ARHGAP12: variants seen among roughly 807,000 people sequenced by gnomAD.
ARHGAP12 encodes rho GTPase-activating protein 12.
Under a neutral mutation model 108.6 loss-of-function variants are expected in ARHGAP12, and 64 were observed. That is an observed-to-expected ratio of 0.59 (90% CI 0.48 to 0.73). ARHGAP12 has a LOEUF of 0.73. Among genes scored for constraint, ARHGAP12 ranks in the 30% least tolerant of loss-of-function variants. The pLI is 0.00. For missense variants in ARHGAP12, 940 were observed against 1,005.9 expected (o/e 0.93, Z 0.89); for synonymous variants, 312 against 337.2 (o/e 0.93, Z 0.82).
chr10:31,918,360 C>CA lies in ARHGAP12; in HGVS notation c.-110-7798_-110-7797insT, dbSNP rs1554791864. Among the ~76,000 whole-genome samples, 32 of 138,282 alleles carry CA rather than the reference C, an allele frequency of 2.3e-4. No homozygotes were observed. The South Asian group carries it at 5.5e-3, about 24-fold the overall frequency. 90.7% of individuals were successfully genotyped at this position (138,282 alleles called of 152,430 possible). Reference sequence around the variant, plus strand: ...ACACACACACACACACACACACACACCAATGAGATACCACTTCACACCCAA... The same window carrying CA: ...ACACACACACACACACACACACACACACAATGAGATACCACTTCACACCCAA... On this transcript the variant is annotated intron_variant, in intron 1 of 19. Coordinates refer to ENST00000344936, the MANE Select transcript of ARHGAP12 (RefSeq NM_018287.7).
Position 31,843,681 on chromosome 10 carries a change from T to G in ARHGAP12, c.1171-95A>C, listed in dbSNP as rs935354868. 4 of 1,378,698 alleles carry G rather than the reference T, an allele frequency of 2.9e-6. No individual in the cohort carries two copies. In the African/African-American group the frequency reaches 5.9e-5, roughly 20 times the overall value. 85.4% of individuals were successfully genotyped at this position (1,378,698 alleles called of 1,614,324 possible). On this transcript the variant is annotated intron_variant, in intron 6 of 19. Coordinates refer to ENST00000344936, the MANE Select transcript of ARHGAP12 (RefSeq NM_018287.7). ...CATCTTGGCTCCAAATGACAAAGACTGTTAGGCGAAGTTCATTATATGACA... is the reference window on the plus strand; with the variant it reads ...CATCTTGGCTCCAAATGACAAAGACGGTTAGGCGAAGTTCATTATATGACA...
chr10:31,890,926 G>A (rs1838399937), intron 3 of ARHGAP12, among the ~76,000 whole-genome samples: 1 of 152,070 alleles, frequency 6.6e-6, no homozygotes, highest in South Asian at 2.1e-4. Flanking sequence ...TAGTGAAACT[G>A]CACATACAGC....
chr10:31,814,813 C>A (rs894306717), intron 13 of ARHGAP12, among the ~76,000 whole-genome samples: 1 of 152,046 alleles, frequency 6.6e-6, no homozygotes, highest in South Asian at 2.1e-4. Flanking sequence ...CGGTTGTCAA[C>A]GGAAAGAAAT....
rs201754040 is a variant in ARHGAP12, at chr10:31,816,168, C to CGTGTGTGTGTGTGT, written c.1731+1606_1731+1619dup. 9.0e-3 allele frequency among the ~76,000 whole-genome samples: 1,222 copies of CGTGTGTGTGTGTGT among 136,408 alleles called. 9 individuals are homozygous for CGTGTGTGTGTGTGT. Among genetic ancestry groups the CGTGTGTGTGTGTGT allele is most frequent in the East Asian group, 0.014 (59 of 4,338 alleles). 89.5% of individuals were successfully genotyped at this position (136,408 alleles called of 152,430 possible). On this transcript the variant is annotated intron_variant, in intron 13 of 19. Transcript: ENST00000344936. Reference sequence around the variant, plus strand: ...TGTCTCAAAAAAAGAAAGAAAGAAACGTGTGTGTGTGTGTGTGTGTGTGTG... The same window carrying CGTGTGTGTGTGTGT: ...TGTCTCAAAAAAAGAAAGAAAGAAACGTGTGTGTGTGTGTGTGTGTGTGTGTGTGTGTGTGTGTG...
intron 13 of ARHGAP12, among the ~76,000 whole-genome samples, chr10:31,815,392 G>A (rs1380584798): frequency 2.0e-5 from 3 of 152,296 alleles, no homozygotes; most frequent in East Asian, 3.9e-4. Context: ...CCACAGGTAC[G>A]TGAGTCTGTT....
At chr10:31,850,738 A>T (rs1156853624) in intron 6 of ARHGAP12, among the ~76,000 whole-genome samples, 1 of 152,196 alleles carries the variant, frequency 6.6e-6, no homozygotes, top group Non-Finnish European at 1.5e-5. Context: ...TAACTTTTAT[A>T]AAACTTAACT....
intron 19 of ARHGAP12, among the ~76,000 whole-genome samples, chr10:31,808,045 C>T (rs768573026): frequency 9.2e-5 from 14 of 152,092 alleles, no homozygotes; most frequent in Non-Finnish European, 2.1e-4. Flanking sequence ...TACAATTAAG[C>T]ATACTCTAAC....
intron 19 of ARHGAP12, 107 bp from the exon 20 acceptor site, chr10:31,807,939 C>T (rs1834876552): frequency 2.4e-6 from 2 of 819,438 alleles, no homozygotes; most frequent in South Asian, 3.2e-5. Flanking sequence ...AGAAGTAATA[C>T]TTATTTTCCT....
At chr10:31,896,746 A>G (rs1305077015) in intron 3 of ARHGAP12, among the ~76,000 whole-genome samples, 1 of 152,186 alleles carries the variant, frequency 6.6e-6, no homozygotes, top group South Asian at 2.1e-4. Flanking sequence ...CAACTGTAGA[A>G]CTTCCTATTT....
At chr10:31,865,077 T>C (rs970150352) in intron 3 of ARHGAP12, among the ~76,000 whole-genome samples, 3 of 152,004 alleles carry the variant, frequency 2.0e-5, no homozygotes, top group Non-Finnish European at 4.4e-5. Context: ...ACTGAGTATG[T>C]AAAAGGAGCA....
chr10:31,861,895 G>A (rs1304432268), intron 3 of ARHGAP12, among the ~76,000 whole-genome samples: 1 of 152,170 alleles, frequency 6.6e-6, no homozygotes. Context: ...ACCTGAAACA[G>A]TGTGATGGAC....
chr10:31,907,986 T>TG (rs1429199186), intron 3 of ARHGAP12, among the ~76,000 whole-genome samples, 186 bp downstream of exon 3: 1 of 152,222 alleles, frequency 6.6e-6, no homozygotes, highest in African/African-American at 2.4e-5. Flanking sequence ...AAAACCAAAG[T>TG]GACCCTTTAT....
chr10:31,886,913 G>A (rs370775034), intron 3 of ARHGAP12, among the ~76,000 whole-genome samples: 2 of 152,164 alleles, frequency 1.3e-5, no homozygotes, highest in East Asian at 3.8e-4. Context: ...TTTTACACAT[G>A]ATCTTCAGGC....
rs1320309129 is a variant in ARHGAP12, at chr10:31,843,397, G to A, written c.1296+64C>T. ...TACTAAATACATAAAATATTAGTACGAATAGTTACAATTCACTGTACAATA... is the reference window on the plus strand; with the variant it reads ...TACTAAATACATAAAATATTAGTACAAATAGTTACAATTCACTGTACAATA... On this transcript the variant is annotated intron_variant, in intron 7 of 19. Coordinates refer to ENST00000344936, the MANE Select transcript of ARHGAP12 (RefSeq NM_018287.7). 1.8e-5 allele frequency: 27 copies of A among 1,473,630 alleles called. No individual in the cohort carries two copies. In the Middle Eastern group the frequency reaches 8.6e-4, roughly 47 times the overall value. The allele number at this position is 1,473,630 out of a possible 1,614,324, so 91.3% of individuals were successfully genotyped here.
chr10:31,899,394 C>A (rs1228471396), intron 3 of ARHGAP12, among the ~76,000 whole-genome samples: 1 of 152,134 alleles, frequency 6.6e-6, no homozygotes, highest in East Asian at 1.9e-4. Context: ...GAAATTTAAA[C>A]CTTACATGGA....
intron 1 of ARHGAP12, among the ~76,000 whole-genome samples, chr10:31,925,569 T>A (rs1207568297): frequency 1.3e-5 from 2 of 152,164 alleles, no homozygotes; most frequent in Non-Finnish European, 2.9e-5. Context: ...CAGGGTCCCA[T>A]CCAGAATACC....
At chr10:31,928,355 C>T (rs1347607602) in intron 1 of ARHGAP12, among the ~76,000 whole-genome samples, 8 of 151,002 alleles carry the variant, frequency 5.3e-5, no homozygotes, top group Admixed American at 2.6e-4. Flanking sequence ...CGGGCGGGCG[C>T]TGCCCTCACA....
intron 3 of ARHGAP12, among the ~76,000 whole-genome samples, chr10:31,866,453 C>T (rs1184411077): frequency 2.0e-5 from 3 of 151,954 alleles, no homozygotes. Flanking sequence ...CCTACCACTC[C>T]CAAGCTTTGT....
intron 5 of ARHGAP12, 86 bp downstream of exon 5, chr10:31,853,980 C>A: frequency 7.4e-7 from 1 of 1,351,734 alleles, no homozygotes; most frequent in Non-Finnish European, 1.0e-6. Context: ...TGAGTTTTTT[C>A]TTTTTTAAAT....
Sources: allele counts gnomAD v4.1 joint callset (sites outside exome capture counted in the v4.1 genomes callset), GRCh38; gene constraint gnomAD v4.1.1; transcripts MANE v1.5; gene names NCBI Gene and HGNC (gene_info 2026-07-23, HGNC 2026-07-21).